Variants in CLSTN2 observed in about 807,000 individuals in gnomAD.
The protein encoded by CLSTN2 is calsyntenin 2, also known as calsyntenin-2.
CLSTN2 carries 48 observed loss-of-function variants against 101.2 expected under a neutral mutation model. The ratio of observed to expected loss-of-function variants is 0.47; its 90% CI spans 0.38 to 0.60. CLSTN2 has a LOEUF of 0.60. Ranked by LOEUF, CLSTN2 falls within the 20% of genes least tolerant of loss-of-function variation. CLSTN2 has a pLI of 0.00. For missense variants in CLSTN2, 1,160 were observed against 1,238.2 expected (o/e 0.94, Z 0.95); for synonymous variants, 481 against 463.6 (o/e 1.04, Z -0.48).
intron 2 of CLSTN2, among the ~76,000 whole-genome samples, chr3:140,302,275 G>A (rs1016978555): frequency 4.6e-5 from 7 of 152,154 alleles, no homozygotes; most frequent in Admixed American, 1.3e-4. Flanking sequence ...TGTCAAAAGG[G>A]CTGTAATGCT....
chr3:140,183,961 A>G (rs1318905354), intron 2 of CLSTN2, among the ~76,000 whole-genome samples: 1 of 152,234 alleles, frequency 6.6e-6, no homozygotes, highest in African/African-American at 2.4e-5. Flanking sequence ...CCCAAAACTT[A>G]TGAGCATCAA....
intron 2 of CLSTN2, among the ~76,000 whole-genome samples, chr3:140,399,412 C>A (rs1315988221): frequency 6.6e-6 from 1 of 152,132 alleles, no homozygotes; most frequent in African/African-American, 2.4e-5. Flanking sequence ...TGTCCTGGGA[C>A]CTTTCTTCCA....
At chr3:140,229,629 T>G (rs1235668079) in intron 2 of CLSTN2, among the ~76,000 whole-genome samples, 1 of 151,766 alleles carries the variant, frequency 6.6e-6, no homozygotes, top group African/African-American at 2.4e-5. Flanking sequence ...GGCAAGGAAA[T>G]AGGTACCTGA....
At chr3:139,944,350 A>G (rs1258708868) in intron 1 of CLSTN2, among the ~76,000 whole-genome samples, 1 of 152,238 alleles carries the variant, frequency 6.6e-6, no homozygotes, top group East Asian at 1.9e-4. Flanking sequence ...ACCAATGCCC[A>G]GAACCCATCC....
intron 1 of CLSTN2, among the ~76,000 whole-genome samples, chr3:139,980,759 A>G (rs1351737208): frequency 6.6e-6 from 1 of 152,120 alleles, no homozygotes; most frequent in East Asian, 1.9e-4. Flanking sequence ...CACTTGGTAG[A>G]TATGTGCTGA....
intron 2 of CLSTN2, among the ~76,000 whole-genome samples, chr3:140,182,508 A>G (rs1256558414): frequency 6.6e-6 from 1 of 152,148 alleles, no homozygotes; most frequent in East Asian, 1.9e-4. Flanking sequence ...CGGACCTCGC[A>G]GCAGAGATGC....
intron 1 of CLSTN2, among the ~76,000 whole-genome samples, chr3:140,020,574 G>A (rs1221296534): frequency 6.6e-6 from 1 of 152,172 alleles, no homozygotes; most frequent in African/African-American, 2.4e-5. Context: ...AAGGAGGCAG[G>A]CAGCAGTTCT....
intron 4 of CLSTN2, among the ~76,000 whole-genome samples, chr3:140,410,277 C>A (rs1450062704): frequency 6.6e-6 from 1 of 151,588 alleles, no homozygotes; most frequent in Non-Finnish European, 1.5e-5. Flanking sequence ...AAAGACACAG[C>A]GAATTTTGAA....
chr3:140,157,150 G>C (rs372986616), intron 1 of CLSTN2, among the ~76,000 whole-genome samples: 1 of 152,020 alleles, frequency 6.6e-6, no homozygotes, highest in Non-Finnish European at 1.5e-5. Context: ...AAGATTGCTA[G>C]CATTTTGTTG....
chr3:140,169,685 C>T (rs1408869490), intron 1 of CLSTN2, among the ~76,000 whole-genome samples: 1 of 152,012 alleles, frequency 6.6e-6, no homozygotes. Context: ...TTGTCAGATG[C>T]TTTTTAAAAG....
At chr3:140,156,003 G>A (rs2009947921) in intron 1 of CLSTN2, among the ~76,000 whole-genome samples, 1 of 152,076 alleles carries the variant, frequency 6.6e-6, no homozygotes, top group South Asian at 2.1e-4. Context: ...CCTCCTAGGG[G>A]CAATTTTATT....
intron 2 of CLSTN2, among the ~76,000 whole-genome samples, chr3:140,308,399 G>C (rs1020592398): frequency 6.6e-6 from 1 of 152,198 alleles, no homozygotes; most frequent in Admixed American, 6.5e-5. Context: ...AACCCACTTA[G>C]TAGGCTCTCA....
At chr3:140,503,732 A>G (rs1934627873) in intron 8 of CLSTN2, among the ~76,000 whole-genome samples, 1 of 152,222 alleles carries the variant, frequency 6.6e-6, no homozygotes, top group Admixed American at 6.5e-5. Context: ...AAATTTCTTA[A>G]AAGGAACAAA....
chr3:140,462,065 A>T (rs2108017964), intron 7 of CLSTN2, among the ~76,000 whole-genome samples: 1 of 152,158 alleles, frequency 6.6e-6, no homozygotes, highest in Non-Finnish European at 1.5e-5. Flanking sequence ...CATAAAAGAG[A>T]ACACAGAAAT....
chr3:140,143,347 C>T (rs59327241), intron 1 of CLSTN2, among the ~76,000 whole-genome samples: 2,298 of 152,146 alleles, frequency 0.015, 65 homozygotes, highest in African/African-American at 0.053. Flanking sequence ...GGCCTGAGAA[C>T]GAGGGGTCCG....
intron 1 of CLSTN2, among the ~76,000 whole-genome samples, chr3:140,125,720 A>G (rs577518454): frequency 6.6e-6 from 1 of 152,214 alleles, no homozygotes; most frequent in South Asian, 2.1e-4. Context: ...ATTGAGCCTC[A>G]TTGTCACTGT....
intron 1 of CLSTN2, among the ~76,000 whole-genome samples, chr3:140,107,208 A>G (rs1301981942): frequency 6.6e-6 from 1 of 152,102 alleles, no homozygotes; most frequent in Non-Finnish European, 1.5e-5. Flanking sequence ...GAGCCTCCAC[A>G]TCCTGTCCTG....
At chr3:140,091,629 T>A (rs1168973675) in intron 1 of CLSTN2, among the ~76,000 whole-genome samples, 1 of 152,216 alleles carries the variant, frequency 6.6e-6, no homozygotes, top group Admixed American at 6.5e-5. Flanking sequence ...AAACATTTCC[T>A]CACTTTGATA....
chr3:140,313,487 A>G (rs950997027), intron 2 of CLSTN2, among the ~76,000 whole-genome samples: 1 of 152,170 alleles, frequency 6.6e-6, no homozygotes, highest in African/African-American at 2.4e-5. Context: ...TTTGAATTCT[A>G]TGACAAATTA....
Sources: gnomAD v4.1 joint callset for allele counts (sites outside exome capture counted in the v4.1 genomes callset) on GRCh38, gnomAD v4.1.1 for gene constraint, MANE v1.5 for transcripts, NCBI Gene and HGNC (gene_info 2026-07-23, HGNC 2026-07-21) for gene names.